The following STK3 variants were observed in gnomAD, a reference collection of about 807,000 sequenced individuals.
STK3 encodes serine/threonine-protein kinase 3.
Under a neutral mutation model 58.0 loss-of-function variants are expected in STK3, and 41 were observed. That is an observed-to-expected ratio of 0.71 (90% CI 0.55 to 0.92). The LOEUF (loss-of-function observed/expected upper bound fraction) is 0.92, where lower values mean the gene tolerates loss of function less well. Among genes scored for constraint, STK3 ranks in the 40% least tolerant of loss-of-function variants. The probability of loss-of-function intolerance (pLI) is 0.00; values close to 1 mark genes in which losing one functional copy is unlikely to be tolerated. For synonymous variants in STK3, 170 were observed against 191.0 expected (o/e 0.89, Z 0.91); for missense variants, 479 against 602.7 (o/e 0.79, Z 2.15).
At chr8:98,883,767 G>A (rs1174332601) in exon 2 of STK3, 4 of 702,694 alleles carry the variant, frequency 5.7e-6, no homozygotes, top group Non-Finnish European at 1.0e-5. Flanking sequence ...TTCCTCCACT[G>A]AAGAGTCTAG....
At chr8:98,759,647 A>C (rs1038233123) in intron 3 of STK3, among the ~76,000 whole-genome samples, 12 of 152,240 alleles carry the variant, frequency 7.9e-5, no homozygotes, top group Non-Finnish European at 5.9e-5. Context: ...AATTAAAAAA[A>C]AAAAATGCAG....
At chr8:98,514,204 G>A (rs1407230822) in intron 10 of STK3, among the ~76,000 whole-genome samples, 1 of 152,004 alleles carries the variant, frequency 6.6e-6, no homozygotes, top group African/African-American at 2.4e-5. Context: ...GATGTAGGGT[G>A]GGGAAGGATC....
At chr8:98,575,199 T>G (rs909811801) in intron 8 of STK3, among the ~76,000 whole-genome samples, 1 of 152,174 alleles carries the variant, frequency 6.6e-6, no homozygotes, top group African/African-American at 2.4e-5. Flanking sequence ...GTATTTTGCA[T>G]GGGCAAGGAA....
At chr8:98,453,083 T>G (rs1234006509), downstream of STK3, among the ~76,000 whole-genome samples, 1 of 72,878 alleles carries the variant, frequency 1.4e-5, no homozygotes, top group Middle Eastern at 5.3e-3. Context: ...CTTTCTTGTT[T>G]TTTTTTTTTT....
intron 9 of STK3, among the ~76,000 whole-genome samples, chr8:98,534,584 T>C (rs1447533849): frequency 6.6e-6 from 1 of 152,224 alleles, no homozygotes. Context: ...CTTTGTTCCC[T>C]GAAATCAACA....
Position 98,706,604 on chromosome 8 carries a change from C to G in STK3, c.547G>C (p.Gly183Arg). The G allele has an allele frequency of 6.2e-7, 1 of 1,609,790 alleles. No homozygotes were observed. The highest frequency in any genetic ancestry group is 8.5e-7 in the Non-Finnish European group (1 of 1,178,526). ...TCAGGAGCCATCCAAAATGGAGTTC[C>G]TATTACAGTATTGCGTTTTGCCATT... ...DTMAKRNTVI[G>R]TPFWMAPEVI... The change falls in exon 6 of 11, where the codon GGA (glycine) becomes CGA (arginine). Residue 183 changes from glycine to arginine, a missense_variant. Around this residue, in one of 3 missense-constraint regions of STK3, gnomAD observed 126 missense variants for 210.1 expected, o/e 0.60. Coordinates refer to ENST00000419617, the MANE Select transcript of STK3 (RefSeq NM_006281.4).
chr8:98,585,087 C>T (rs1306548533), intron 7 of STK3, among the ~76,000 whole-genome samples: 2 of 150,828 alleles, frequency 1.3e-5, no homozygotes, highest in Admixed American at 6.6e-5. Flanking sequence ...TGTGCAGAAG[C>T]TCTTTAGTTT....
chr8:98,620,471 A>AAAATAAAT (rs890531582), intron 6 of STK3, among the ~76,000 whole-genome samples: 6 of 148,100 alleles, frequency 4.1e-5, no homozygotes, highest in African/African-American at 1.5e-4. Flanking sequence ...TATAATAAAA[A>AAAATAAAT]AAATAAATAA....
chr8:98,712,532 A>C (rs980856776), intron 4 of STK3, among the ~76,000 whole-genome samples: 1 of 151,418 alleles, frequency 6.6e-6, no homozygotes, highest in Non-Finnish European at 1.5e-5. Context: ...CAAAAGAGAC[A>C]AAGAAGGCCA....
At chr8:98,940,714 C>T (rs545355551) in intron 1 of STK3, among the ~76,000 whole-genome samples, 1 of 152,226 alleles carries the variant, frequency 6.6e-6, no homozygotes, top group Non-Finnish European at 1.5e-5. Flanking sequence ...TGCGCCGCCC[C>T]GCACGCGACC....
At chr8:98,491,118 T>A (rs1341561292) in intron 10 of STK3, among the ~76,000 whole-genome samples, 1 of 151,352 alleles carries the variant, frequency 6.6e-6, no homozygotes, top group Non-Finnish European at 1.5e-5. Context: ...TACTGTGTAG[T>A]GGCATCCTTC....
chr8:98,598,678 A>T, intron 6 of STK3: 1 of 985,312 alleles, frequency 1.0e-6, no homozygotes, highest in Non-Finnish European at 1.2e-6. Context: ...TAGACTAACA[A>T]TTCATTCCCT....
intron 7 of STK3, among the ~76,000 whole-genome samples, chr8:98,588,732 C>G (rs1484234855): frequency 6.6e-6 from 1 of 151,542 alleles, no homozygotes; most frequent in African/African-American, 2.4e-5. Context: ...CTTTCAGGTA[C>G]ACCAATTAGA....
intron 9 of STK3, among the ~76,000 whole-genome samples, chr8:98,528,303 T>G (rs1052856829): frequency 1.3e-5 from 2 of 152,206 alleles, no homozygotes; most frequent in Admixed American, 6.6e-5. Flanking sequence ...TTTTTTATAC[T>G]GAATGACTAA....
chr8:98,912,268 A>G (rs985965412), intron 1 of STK3, among the ~76,000 whole-genome samples: 1 of 152,112 alleles, frequency 6.6e-6, no homozygotes, highest in Non-Finnish European at 1.5e-5. Flanking sequence ...AATCCTAGCT[A>G]CTTGGAGGCT....
chr8:98,485,795 G>A (rs918242332), intron 10 of STK3, among the ~76,000 whole-genome samples: 24 of 152,204 alleles, frequency 1.6e-4, no homozygotes, highest in African/African-American at 5.3e-4. Context: ...GCCTGGAGAA[G>A]TAGATGGGGG....
chr8:98,826,914 T>A (rs1014104525), upstream of STK3, among the ~76,000 whole-genome samples: 1 of 136,858 alleles, frequency 7.3e-6, no homozygotes, highest in South Asian at 2.3e-4. Context: ...TCCCAGCTGC[T>A]TGGGAGGCTG....
chr8:98,482,498 GAC>G (rs1027517576), intron 10 of STK3, among the ~76,000 whole-genome samples: 2 of 152,192 alleles, frequency 1.3e-5, no homozygotes, highest in African/African-American at 4.8e-5. Context: ...GATGGATAAA[GAC>G]ATGTTTTCTC....
downstream of STK3, chr8:98,880,979 C>A (rs1286139871): frequency 6.6e-6 from 1 of 152,160 alleles, no homozygotes; most frequent in African/African-American, 2.4e-5. Flanking sequence ...TCCTTGGTAT[C>A]ACCCAAACTT....
Sources: allele counts gnomAD v4.1 joint callset (sites outside exome capture counted in the v4.1 genomes callset), GRCh38; gene constraint gnomAD v4.1.1; regional missense constraint gnomAD v4.1.1; transcripts MANE v1.5; gene names NCBI Gene and HGNC (gene_info 2026-07-23, HGNC 2026-07-21).